The following SLC39A11 variants were observed in gnomAD, a reference collection of about 807,000 sequenced individuals.
SLC39A11 encodes zinc transporter ZIP11.
In SLC39A11, 33 loss-of-function variants were observed where a neutral mutation model predicts 36.1. That is an observed-to-expected ratio of 0.91 (90% CI 0.69 to 1.22). The LOEUF is 1.22. SLC39A11 is among the 50% of genes most tolerant of loss of function. The probability of loss-of-function intolerance (pLI) is 0.00; values close to 1 mark genes in which losing one functional copy is unlikely to be tolerated. For synonymous variants in SLC39A11, 166 were observed against 170.3 expected, an observed-to-expected ratio of 0.97 and a Z score of 0.20; for missense variants, 432 against 430.3, an observed-to-expected ratio of 1.00 and a Z score of -0.03.
rs73349386 is a variant in SLC39A11 at position 72,999,565 on chromosome 17, C to T, written c.306+31991G>A. 6.0e-3 allele frequency among the ~76,000 whole-genome samples: 908 copies of T among 152,266 alleles called. 4 individuals carry two copies. Among genetic ancestry groups the T allele is most frequent in the African/African-American group, 0.021 (852 of 41,548 alleles). On this transcript the variant is annotated intron_variant, in intron 4 of 9. Transcript: ENST00000255559. Reference sequence around the variant, plus strand: ...TTATATTTGGAGATAATTTCATACACGTGTTTTGAGTGCTCTCCAAGGAGT... The same window carrying T: ...TTATATTTGGAGATAATTTCATACATGTGTTTTGAGTGCTCTCCAAGGAGT...
intron 7 of SLC39A11, among the ~76,000 whole-genome samples, chr17:72,726,883 C>G (rs957443196): frequency 6.6e-6 from 1 of 152,204 alleles, no homozygotes; most frequent in African/African-American, 2.4e-5. Context: ...CAAATGTAGA[C>G]TAATCAACCA....
intron 5 of SLC39A11, among the ~76,000 whole-genome samples, chr17:72,920,967 T>C (rs760572399): frequency 2.6e-5 from 4 of 152,168 alleles, no homozygotes; most frequent in Admixed American, 2.0e-4. Flanking sequence ...ATTTTGCTCA[T>C]TTAGAACTCA....
chr17:72,701,712 A>G (rs2072631424), intron 7 of SLC39A11, among the ~76,000 whole-genome samples: 1 of 126,692 alleles, frequency 7.9e-6, no homozygotes. Flanking sequence ...TGGGAGACAG[A>G]GGGAGATTCT....
At chr17:72,907,922 C>T (rs893217761) in intron 5 of SLC39A11, among the ~76,000 whole-genome samples, 13 of 152,090 alleles carry the variant, frequency 8.5e-5, no homozygotes, top group African/African-American at 4.8e-5. Context: ...CGTTCCTGGA[C>T]GTGGGAAGGG....
In SLC39A11 at chr17:72,648,961, C is replaced by T. The variant is rs1432192956; in HGVS notation, c.771G>A (p.Trp257Ter). ...CCACCATGCCGCTCAGCTGCCCATA[C>T]CTAAGGAGAGAACAGAGACATTTAC... ...GAGFSTWRAF[W>*]YGQLSGMVEP... Residue 257 changes from tryptophan (W) to a stop codon, truncating the protein, a stop_gained and splice_region_variant, in exon 9 of 10, where the codon TGG becomes TGA. Transcript: ENST00000255559. LOFTEE classifies it high-confidence loss of function. 3.1e-6 allele frequency: 5 copies of T among 1,610,888 alleles called. No individual in the cohort carries two copies. Among genetic ancestry groups the T allele is most frequent in the Admixed American group, 1.7e-5 (1 of 59,536 alleles).
chr17:72,847,303 C>T (rs111262739), intron 6 of SLC39A11, among the ~76,000 whole-genome samples: 2,058 of 151,626 alleles, frequency 0.014, 47 homozygotes, highest in African/African-American at 0.046. Context: ...CTCGGGAGGC[C>T]GAGACAGGAG....
intron 4 of SLC39A11, among the ~76,000 whole-genome samples, chr17:72,958,800 A>T (rs966778713): frequency 6.6e-6 from 1 of 151,868 alleles, no homozygotes; most frequent in African/African-American, 2.4e-5. Context: ...GCAGTGAGCC[A>T]AGAATGTGCC....
At chr17:73,007,423 A>G (rs1266557230) in intron 4 of SLC39A11, among the ~76,000 whole-genome samples, 3 of 152,340 alleles carry the variant, frequency 2.0e-5, no homozygotes, top group South Asian at 4.1e-4. Flanking sequence ...CTCTGTCTCA[A>G]AAAAATAAAG....
intron 5 of SLC39A11, among the ~76,000 whole-genome samples, chr17:72,865,780 T>C (rs1037324284): frequency 2.7e-5 from 4 of 150,338 alleles, no homozygotes; most frequent in African/African-American, 9.8e-5. Context: ...TAAAACAGCC[T>C]AACCTTATTC....
intron 5 of SLC39A11, among the ~76,000 whole-genome samples, chr17:72,916,765 T>C (rs184637085): frequency 6.6e-6 from 1 of 152,118 alleles, no homozygotes; most frequent in East Asian, 1.9e-4. Context: ...AGGCAAGGAC[T>C]CTCCCAAAAG....
At chr17:72,776,608 T>TG (rs1440544785) in intron 6 of SLC39A11, among the ~76,000 whole-genome samples, 3 of 73,912 alleles carry the variant, frequency 4.1e-5, no homozygotes, top group African/African-American at 1.4e-4. Flanking sequence ...ATACTTTGCA[T>TG]GGAAAAAAAA....
intron 4 of SLC39A11, among the ~76,000 whole-genome samples, chr17:73,001,600 AT>A (rs1336435330): frequency 6.6e-6 from 1 of 152,172 alleles, no homozygotes; most frequent in Non-Finnish European, 1.5e-5. Flanking sequence ...TTGTATGAGT[AT>A]CCCATTTGCA....
At chr17:73,016,614 G>A (rs755358499) in intron 4 of SLC39A11, among the ~76,000 whole-genome samples, 1 of 152,156 alleles carries the variant, frequency 6.6e-6, no homozygotes, top group Admixed American at 6.5e-5. Context: ...TATTACAGGC[G>A]TGAGCCACCA....
chr17:72,919,738 T>C (rs1567953707), intron 5 of SLC39A11, among the ~76,000 whole-genome samples: 1 of 140,058 alleles, frequency 7.1e-6, no homozygotes, highest in Non-Finnish European at 1.5e-5. Context: ...CTGCCTGTGA[T>C]GATGACCCCG....
intron 5 of SLC39A11, among the ~76,000 whole-genome samples, chr17:72,926,778 G>A (rs1354311633): frequency 6.6e-6 from 1 of 152,024 alleles, no homozygotes; most frequent in Non-Finnish European, 1.5e-5. Flanking sequence ...CCCAAAAAGG[G>A]ATTCCCGAGC....
chr17:72,908,366 T>TA (rs1310875671), intron 5 of SLC39A11, among the ~76,000 whole-genome samples: 15 of 152,196 alleles, frequency 9.9e-5, no homozygotes, highest in African/African-American at 3.6e-4. Context: ...GGTAAAGTCT[T>TA]ACAGCCTCCT....
At chr17:73,040,579 T>C (rs139006552) in intron 3 of SLC39A11, among the ~76,000 whole-genome samples, 24 of 152,342 alleles carry the variant, frequency 1.6e-4, no homozygotes, top group African/African-American at 5.8e-4. Flanking sequence ...TGTAAGATGT[T>C]CACATTGGGG....
At chr17:72,741,020 C>T (rs569151460) in intron 6 of SLC39A11, among the ~76,000 whole-genome samples, 3 of 152,194 alleles carry the variant, frequency 2.0e-5, no homozygotes, top group Non-Finnish European at 4.4e-5. Context: ...GTGATCTGTC[C>T]GCTTTGGCCT....
At chr17:72,735,364 G>A (rs1334908329) in intron 7 of SLC39A11, among the ~76,000 whole-genome samples, 2 of 152,140 alleles carry the variant, frequency 1.3e-5, no homozygotes, top group Non-Finnish European at 2.9e-5. Context: ...CAGGCCCCAC[G>A]CAGGCTTGGT....
Sources: allele counts gnomAD v4.1 joint callset (sites outside exome capture counted in the v4.1 genomes callset), GRCh38; gene constraint gnomAD v4.1.1; transcripts MANE v1.5; gene names NCBI Gene and HGNC (gene_info 2026-07-23, HGNC 2026-07-21).